The following KCNQ4 variants were observed in gnomAD, a reference collection of about 807,000 sequenced individuals.
The protein encoded by KCNQ4 is potassium voltage-gated channel subfamily Q member 4, also known as potassium voltage-gated channel subfamily KQT member 4.
Under a neutral mutation model 72.6 loss-of-function variants are expected in KCNQ4, and 31 were observed. The observed-to-expected ratio is 0.43, with a 90% confidence interval of 0.32 to 0.58. The LOEUF (loss-of-function observed/expected upper bound fraction) is 0.58, where lower values mean the gene tolerates loss of function less well. Ranked by LOEUF, KCNQ4 falls within the 20% of genes least tolerant of loss-of-function variation. The probability of loss-of-function intolerance (pLI) is 0.08; values close to 1 mark genes in which losing one functional copy is unlikely to be tolerated. For synonymous variants in KCNQ4, 405 were observed against 403.7 expected (o/e 1.00, Z -0.04); for missense variants, 869 against 962.6 (o/e 0.90, Z 1.29).
At chr1:40,818,805 G>C (rs1246887405) in intron 4 of KCNQ4, 125 bp downstream of exon 4, 33 of 1,109,198 alleles carry the variant, frequency 3.0e-5, no homozygotes, top group African/African-American at 9.3e-5. Context: ...GGCCTGCGGG[G>C]GTTGGAGCCC....
At chr1:40,834,505 G>T (rs950046415) in intron 11 of KCNQ4, among the ~76,000 whole-genome samples, 5 of 151,984 alleles carry the variant, frequency 3.3e-5, no homozygotes, top group Admixed American at 1.3e-4. Flanking sequence ...AGCACTTTGG[G>T]AGGCTGAGAC....
intron 1 of KCNQ4, among the ~76,000 whole-genome samples, chr1:40,813,027 A>G (rs964686757): frequency 2.8e-4 from 43 of 152,308 alleles, no homozygotes; most frequent in Non-Finnish European, 2.9e-4. Context: ...CAGAGGAAAC[A>G]GTAAAGCAGG....
Position 40,802,530 on chromosome 1 carries a change from C to T in KCNQ4, c.315-14735C>T, listed in dbSNP as rs1347773077. ...CAAGAGCCCCGCCCACCATTCCCCG[C>T]CCCCGGCATGCCCCGCCCATTTCCG... is the stretch of plus-strand genomic sequence containing the variant. On this transcript the variant is annotated intron_variant, in intron 1 of 13. Coordinates refer to ENST00000347132, the MANE Select transcript of KCNQ4 (RefSeq NM_004700.4). 3.3e-5 allele frequency among the ~76,000 whole-genome samples: 5 copies of T among 152,136 alleles called. No individual in the cohort carries two copies. The East Asian group carries it at 9.7e-4, about 30-fold the overall frequency.
intron 4 of KCNQ4, 33 bp from the exon 5 acceptor site, chr1:40,819,314 G>C (rs760425065): frequency 6.2e-7 from 1 of 1,612,948 alleles, no homozygotes; most frequent in Admixed American, 1.7e-5. Context: ...CAGGCACAGC[G>C]CTCCTCACCG....
In KCNQ4 at chr1:40,784,127, G is replaced by GGC; in HGVS notation, c.35_36insCG (p.Pro13ValfsTer12). 1 of 900,888 alleles carries GGC rather than the reference G, an allele frequency of 1.1e-6. No individual in the cohort carries two copies. The highest frequency in any genetic ancestry group is 1.4e-6 in the Non-Finnish European group (1 of 740,102). The allele number at this position is 900,888 out of a possible 1,614,324, so 55.8% of individuals were successfully genotyped here. A position where few individuals can be genotyped will look rare whatever the true frequency, so the allele number is the denominator to read the frequency against. On this transcript the variant is annotated frameshift_variant, in exon 1 of 14. Transcript: ENST00000347132. LOFTEE classifies it high-confidence loss of function. This position sits in a 1 kb window ranked among gnomAD's most constrained non-coding sequence, Gnocchi z 4.1. ...GGCCCCCCCGCGCCGCCTCGGCCTG[G>GGC]GTCCCCCGCCCGGGGACGCCCCCCG...
At position 40,822,322 on chromosome 1, in the gene KCNQ4, G is replaced by A; in HGVS notation, c.1050G>A (p.Trp350Ter). The change falls in exon 8 of 14, where the codon TGG becomes TGA. Residue 350 changes from tryptophan (W) to a stop codon, truncating the protein, a stop_gained. Coordinates refer to ENST00000347132, the MANE Select transcript of KCNQ4 (RefSeq NM_004700.4). LOFTEE classifies it high-confidence loss of function. ...MPAANLIQAA[W>*]RLYSTDMSRA... The stretch of plus-strand genomic sequence containing the variant: ...GTCCCCCATACCACCAGGCTGCCTG[G>A]CGCCTGTACTCCACCGATATGAGCC... 4.3e-6 allele frequency: 7 copies of A among 1,613,498 alleles called. No homozygotes were observed. Among genetic ancestry groups the A allele is most frequent in the Non-Finnish European group, 5.9e-6 (7 of 1,179,800 alleles).
intron 1 of KCNQ4, chr1:40,805,220 A>G (rs2148306763): frequency 2.6e-5 from 4 of 152,242 alleles, no homozygotes; most frequent in African/African-American, 9.6e-5. Flanking sequence ...TTTCCAACTC[A>G]CAATGGGGCA....
At position 40,788,462 on chromosome 1, in the gene KCNQ4, A is replaced by C. The variant is rs1647226412; in HGVS notation, c.314+4055A>C. On this transcript the variant is annotated intron_variant, in intron 1 of 13. Coordinates refer to ENST00000347132, the MANE Select transcript of KCNQ4 (RefSeq NM_004700.4). The surrounding 1 kb of genome is among the most constrained non-coding windows in gnomAD (Gnocchi z 4.5). The stretch of plus-strand genomic sequence containing the variant: ...GTTGTGTGTGCAGCACCAACTATGC[A>C]CAGGGCACCCTGCTGAGCTCTCTCT... 6.6e-6 allele frequency among the ~76,000 whole-genome samples: 1 copy of C among 152,156 alleles called. No homozygotes were observed. Among genetic ancestry groups the C allele is most frequent in the African/African-American group, 2.4e-5 (1 of 41,410 alleles).
rs1648766006 is a variant in KCNQ4 at position 40,834,957 on chromosome 1, C to A, written c.1614-10C>A. On this transcript the variant is annotated splice_polypyrimidine_tract_variant and intron_variant, in intron 11 of 13. Transcript: ENST00000347132. ...ACAGGACACTCCCTCTGAGCCCCCT[C>A]CCCCAACAGGATTCTCAAGTTCCTG... is the stretch of plus-strand genomic sequence containing the variant. 1.9e-6 allele frequency: 3 copies of A among 1,612,876 alleles called. No individual in the cohort carries two copies. The highest frequency in any genetic ancestry group is 8.5e-7 in the Non-Finnish European group (1 of 1,179,310).
intron 1 of KCNQ4, among the ~76,000 whole-genome samples, chr1:40,810,979 C>T (rs1229375738): frequency 6.6e-6 from 1 of 152,186 alleles, no homozygotes; most frequent in Non-Finnish European, 1.5e-5. Context: ...AATTCACATA[C>T]AGTAAAATTC....
chr1:40,837,786 G>C lies in KCNQ4; in HGVS notation c.1867G>C (p.Glu623Gln), dbSNP rs1648848951. Residue 623 changes from glutamate to glutamine, a missense_variant, in exon 13 of 14, where the codon GAG becomes CAG. By Grantham distance (29) the Glu-to-Gln change is conservative. This residue lies in a region of KCNQ4 where 480 missense variants were observed against 501.9 expected (regional missense o/e 0.96). Transcript: ENST00000347132. ...ISMMGRVVKV[E>Q]KQVQSIEHKL... ...CATGATGGGACGCGTGGTCAAGGTG[G>C]AGAAGCAGGTGAGTGTAGGATGGGG... The C allele has an allele frequency of 6.2e-7, 1 of 1,608,452 alleles. No homozygotes were observed. Among genetic ancestry groups the C allele is most frequent in the Admixed American group, 1.7e-5 (1 of 59,064 alleles).
intron 1 of KCNQ4, among the ~76,000 whole-genome samples, chr1:40,816,138 A>G (rs1648079040): frequency 6.6e-6 from 1 of 152,148 alleles, no homozygotes; most frequent in African/African-American, 2.4e-5. Context: ...GCACCGTGCC[A>G]GCAACGGTGC....
chr1:40,829,244 A>G (rs1207312798), intron 9 of KCNQ4, among the ~76,000 whole-genome samples: 1 of 152,196 alleles, frequency 6.6e-6, no homozygotes, highest in Admixed American at 6.5e-5. Flanking sequence ...CGGACCGGGC[A>G]GGGTGGAGGG....
Position 40,836,157 on chromosome 1 carries a change from C to T in KCNQ4, c.1745+1059C>T, listed in dbSNP as rs553557810. 1.2e-4 allele frequency among the ~76,000 whole-genome samples: 18 copies of T among 152,286 alleles called. No homozygotes were observed. In the East Asian group the frequency reaches 2.7e-3, roughly 23 times the overall value. On this transcript the variant is annotated intron_variant, in intron 12 of 13. Transcript: ENST00000347132. ...AATGAGAACCTGCTTCAGACTTCCACGCATGAGACCGTGGGGACTTGGAAC... is the reference window on the plus strand; with the variant it reads ...AATGAGAACCTGCTTCAGACTTCCATGCATGAGACCGTGGGGACTTGGAAC...
At chr1:40,819,130 G>C in intron 4 of KCNQ4, 1 of 561,988 alleles carries the variant, frequency 1.8e-6, no homozygotes, top group Non-Finnish European at 3.2e-6. Flanking sequence ...GGCAGGCGGG[G>C]TGAGGGTGGG....
chr1:40,827,542 G>A (rs1189906055), intron 9 of KCNQ4, among the ~76,000 whole-genome samples: 1 of 152,218 alleles, frequency 6.6e-6, no homozygotes, highest in Non-Finnish European at 1.5e-5. Flanking sequence ...AGCCCAGTGT[G>A]AGCTTCACCC....
chr1:40,830,592 C>G (rs1648611715), intron 9 of KCNQ4, among the ~76,000 whole-genome samples: 1 of 152,122 alleles, frequency 6.6e-6, no homozygotes, highest in Non-Finnish European at 1.5e-5. Context: ...CGCACACACA[C>G]ACACCCTCGA....
chr1:40,812,708 AG>A (rs770262276), intron 1 of KCNQ4, among the ~76,000 whole-genome samples: 23 of 152,326 alleles, frequency 1.5e-4, no homozygotes, highest in Middle Eastern at 6.8e-3. Flanking sequence ...GAGATGGTCA[AG>A]GTCAGAGGCG....
In KCNQ4 at chr1:40,794,588, T is replaced by C. The variant is rs957697116; in HGVS notation, c.314+10181T>C. 1.2e-4 allele frequency among the ~76,000 whole-genome samples: 19 copies of C among 152,326 alleles called. No individual in the cohort carries two copies. The highest frequency in any genetic ancestry group is 4.3e-4 in the African/African-American group (18 of 41,560). ...CCAGCTGACCCAAGGCAGTTTCCAG[T>C]GGCCTAAGGCAAAACTGAGGAGAAT... On this transcript the variant is annotated intron_variant, in intron 1 of 13. Coordinates refer to ENST00000347132, the MANE Select transcript of KCNQ4 (RefSeq NM_004700.4). This position sits in a 1 kb window ranked among gnomAD's most constrained non-coding sequence, Gnocchi z 4.2.
Sources: allele counts gnomAD v4.1 joint callset (sites outside exome capture counted in the v4.1 genomes callset), GRCh38; gene constraint gnomAD v4.1.1; regional missense constraint gnomAD v4.1.1; non-coding constraint Gnocchi (gnomAD v3.1); transcripts MANE v1.5; gene names NCBI Gene and HGNC (gene_info 2026-07-23, HGNC 2026-07-21).